Variants in CDH12 observed in about 807,000 individuals in gnomAD.
The protein encoded by CDH12 is cadherin-12.
CDH12 carries 41 observed loss-of-function variants against 74.1 expected under a neutral mutation model. The ratio of observed to expected loss-of-function variants is 0.55; its 90% CI spans 0.43 to 0.72. The LOEUF (loss-of-function observed/expected upper bound fraction) is 0.72, where lower values mean the gene tolerates loss of function less well. Ranked by LOEUF, CDH12 falls within the 30% of genes least tolerant of loss-of-function variation. The probability of loss-of-function intolerance (pLI) is 0.00; values close to 1 mark genes in which losing one functional copy is unlikely to be tolerated. For missense variants in CDH12, 945 were observed against 977.2 expected, an observed-to-expected ratio of 0.97 and a Z score of 0.44; for synonymous variants, 399 against 355.0, an observed-to-expected ratio of 1.12 and a Z score of -1.39.
chr5:22,619,537 G>GT (rs139687069), intron 1 of CDH12, among the ~76,000 whole-genome samples: 3,583 of 151,888 alleles, frequency 0.024, 159 homozygotes, highest in East Asian at 0.14. Flanking sequence ...CCTTTTGTTG[G>GT]TTTTTTGAAA....
chr5:22,083,076 CTT>C (rs1430575538), intron 4 of CDH12, among the ~76,000 whole-genome samples: 2 of 152,084 alleles, frequency 1.3e-5, no homozygotes, highest in African/African-American at 4.8e-5. Flanking sequence ...CTGCACATAT[CTT>C]TTTTCTCTAT....
At chr5:22,304,530 A>C (rs1482030799) in intron 3 of CDH12, among the ~76,000 whole-genome samples, 2 of 152,224 alleles carry the variant, frequency 1.3e-5, no homozygotes, top group Non-Finnish European at 2.9e-5. Flanking sequence ...CTAAATTGGA[A>C]GCAGCAAAGT....
chr5:22,209,938 C>T (rs550631734), intron 4 of CDH12, among the ~76,000 whole-genome samples: 9 of 151,898 alleles, frequency 5.9e-5, no homozygotes, highest in Non-Finnish European at 1.0e-4. Context: ...GTTATAGGTT[C>T]ATTACTGTGT....
intron 1 of CDH12, among the ~76,000 whole-genome samples, chr5:22,705,130 T>TATATATATATATACACAC (rs752782183): frequency 8.0e-6 from 1 of 125,544 alleles, no homozygotes; most frequent in African/African-American, 3.1e-5. Context: ...TATATATATA[T>TATATATATATATACACAC]ACACACACAC....
intron 12 of CDH12, among the ~76,000 whole-genome samples, chr5:21,761,550 T>C (rs1378925517): frequency 6.6e-6 from 1 of 152,148 alleles, no homozygotes. Flanking sequence ...AGGAAGGCTC[T>C]AGATTTCACA....
At chr5:21,945,140 TG>T (rs1468129484) in intron 6 of CDH12, among the ~76,000 whole-genome samples, 3 of 151,620 alleles carry the variant, frequency 2.0e-5, no homozygotes, top group Non-Finnish European at 4.4e-5. Flanking sequence ...AAAAAGGTGT[TG>T]GGGCTGGGCG....
At chr5:22,815,827 C>T (rs112926673) in intron 1 of CDH12, among the ~76,000 whole-genome samples, 2,462 of 148,848 alleles carry the variant, frequency 0.017, 45 homozygotes, top group Non-Finnish European at 0.025. Flanking sequence ...AACATACTAC[C>T]GGTGAAAGAG....
chr5:22,229,860 T>C (rs1005746663), intron 3 of CDH12, among the ~76,000 whole-genome samples: 1 of 148,648 alleles, frequency 6.7e-6, no homozygotes, highest in African/African-American at 2.5e-5. Context: ...TTCTAATTGA[T>C]ACACACACAC....
chr5:21,830,060 A>T (rs1425385145), intron 8 of CDH12, among the ~76,000 whole-genome samples: 1 of 151,590 alleles, frequency 6.6e-6, no homozygotes, highest in East Asian at 1.9e-4. Flanking sequence ...TTATCTGGGT[A>T]TGTTGGCGGG....
At chr5:22,345,650 C>T (rs1008062257) in intron 3 of CDH12, among the ~76,000 whole-genome samples, 6 of 152,178 alleles carry the variant, frequency 3.9e-5, no homozygotes, top group African/African-American at 1.4e-4. Flanking sequence ...TGTTCTTGCT[C>T]AATCAATTAA....
chr5:22,291,670 T>G (rs113174478), intron 3 of CDH12, among the ~76,000 whole-genome samples: 1 of 152,102 alleles, frequency 6.6e-6, no homozygotes, highest in African/African-American at 2.4e-5. Flanking sequence ...CACTGAAAAC[T>G]ACAAAACACT....
chr5:21,811,649 A>C (rs1353898402), intron 9 of CDH12, among the ~76,000 whole-genome samples: 1 of 149,812 alleles, frequency 6.7e-6, no homozygotes. Context: ...TTTTTAAAAA[A>C]CTTTATTCTG....
At chr5:22,849,172 A>G (rs536479773) in intron 1 of CDH12, among the ~76,000 whole-genome samples, 1 of 152,282 alleles carries the variant, frequency 6.6e-6, no homozygotes, top group East Asian at 1.9e-4. Flanking sequence ...CCTGACCATG[A>G]TAAGTGTTAT....
At chr5:22,321,050 CA>C (rs1738854498) in intron 3 of CDH12, among the ~76,000 whole-genome samples, 1 of 152,026 alleles carries the variant, frequency 6.6e-6, no homozygotes, top group Admixed American at 6.6e-5. Flanking sequence ...AGGTTCAGAT[CA>C]AAATAATTAT....
At chr5:22,045,112 C>G (rs1739845334) in intron 5 of CDH12, among the ~76,000 whole-genome samples, 1 of 152,040 alleles carries the variant, frequency 6.6e-6, no homozygotes, top group Non-Finnish European at 1.5e-5. Flanking sequence ...ACTAATATTC[C>G]AATTACAAAA....
intron 5 of CDH12, among the ~76,000 whole-genome samples, chr5:22,072,599 G>A (rs1742024912): frequency 1.3e-5 from 2 of 151,028 alleles, no homozygotes; most frequent in South Asian, 4.2e-4. Flanking sequence ...TATACTTTAA[G>A]TTATAGGGTA....
chr5:22,407,250 GCA>G (rs2126463197), intron 2 of CDH12, among the ~76,000 whole-genome samples: 1 of 152,100 alleles, frequency 6.6e-6, no homozygotes, highest in South Asian at 2.1e-4. Flanking sequence ...TCCTATGATT[GCA>G]TATTTTAATG....
At chr5:22,558,858 G>A (rs1312202878) in intron 1 of CDH12, among the ~76,000 whole-genome samples, 2 of 152,030 alleles carry the variant, frequency 1.3e-5, no homozygotes, top group Admixed American at 1.3e-4. Context: ...AGAAGGGAAA[G>A]CGAGATGAAC....
At chr5:21,983,260 G>T (rs1343467095) in intron 5 of CDH12, among the ~76,000 whole-genome samples, 1 of 151,870 alleles carries the variant, frequency 6.6e-6, no homozygotes, top group Non-Finnish European at 1.5e-5. Flanking sequence ...TTCCAGATTG[G>T]AAATCATTTC....
Sources: gnomAD v4.1 joint callset for allele counts (sites outside exome capture counted in the v4.1 genomes callset) on GRCh38, gnomAD v4.1.1 for gene constraint, MANE v1.5 for transcripts, NCBI Gene and HGNC (gene_info 2026-07-23, HGNC 2026-07-21) for gene names.